RBBP7: variants seen among roughly 807,000 people sequenced by gnomAD.
RBBP7 encodes RB binding protein 7, chromatin remodeling factor.
Under a neutral mutation model 35.2 loss-of-function variants are expected in RBBP7, and 5 were observed. The ratio of observed to expected loss-of-function variants is 0.14; its 90% CI spans 0.07 to 0.30. RBBP7 has a LOEUF of 0.30. Ranked by LOEUF, RBBP7 falls within the 10% of genes least tolerant of loss-of-function variation. The probability of loss-of-function intolerance (pLI) is 1.00; values close to 1 mark genes in which losing one functional copy is unlikely to be tolerated. For missense variants in RBBP7, 155 were observed against 327.5 expected, an observed-to-expected ratio of 0.47 and a Z score of 4.07; for synonymous variants, 140 against 118.7, an observed-to-expected ratio of 1.18 and a Z score of -1.17.
At chrX:16,850,647 T>G (rs1014144146) in intron 9 of RBBP7, among the ~76,000 whole-genome samples, 2 of 112,791 alleles carry the variant, frequency 1.8e-5, no homozygotes, top group South Asian at 7.2e-4. Flanking sequence ...CTATTTTAAG[T>G]TTTACATACA....
chrX:16,849,120 G>A (rs988466149), intron 10 of RBBP7, 124 bp downstream of exon 10: 16 of 567,245 alleles, frequency 2.8e-5, no homozygotes, highest in Non-Finnish European at 4.3e-5. Flanking sequence ...TAACCTTCAG[G>A]GCCTCCATTT....
At chrX:16,848,985 T>G (rs1930151835) in intron 10 of RBBP7, 1 of 263,581 alleles carries the variant, frequency 3.8e-6, no homozygotes, top group Non-Finnish European at 6.6e-6. Flanking sequence ...AATACCAGAG[T>G]TGAAATCAGT....
At chrX:16,851,382 A>C (rs1184037954) in intron 9 of RBBP7, among the ~76,000 whole-genome samples, 2 of 112,302 alleles carry the variant, frequency 1.8e-5, no homozygotes, top group East Asian at 5.6e-4. Flanking sequence ...ATTTAAACTT[A>C]AGATGACATC....
At position 16,849,619 on chromosome X, in the gene RBBP7, G is replaced by A. The variant is rs185179415; in HGVS notation, c.1041-318C>T. 3.5e-3 allele frequency among the ~76,000 whole-genome samples: 392 copies of A among 111,667 alleles called. 1 individual carries two copies. Among genetic ancestry groups the A allele is most frequent in the Non-Finnish European group, 6.1e-3 (322 of 53,147 alleles). ...TACTGTTTATATTTGGTGTAAGGAC[G>A]GGATGTTTACTTTCTGGAAATAAGT... On this transcript the variant is annotated intron_variant, in intron 9 of 11. Coordinates refer to ENST00000380087, the MANE Select transcript of RBBP7 (RefSeq NM_002893.4).
chrX:16,863,157 C>T, intron 2 of RBBP7, 57 bp from the exon 3 acceptor site: 1 of 1,086,513 alleles, frequency 9.2e-7, no homozygotes, highest in Non-Finnish European at 1.3e-6. Flanking sequence ...CAATTGCTAA[C>T]AAATTCAGTC....
Position 16,860,674 on chromosome X carries a change from GAAAAAAAAAAGA to G in RBBP7, c.308-1837_308-1826del, listed in dbSNP as rs1229815573. On this transcript the variant is annotated intron_variant, in intron 3 of 11. Coordinates refer to ENST00000380087, the MANE Select transcript of RBBP7 (RefSeq NM_002893.4). ...GGGTGACAGAGCGAAACTTCGTCTC[GAAAAAAAAAAGA>G]AAAAAAAAAAGAAAAAAAAAATATA... Among the ~76,000 whole-genome samples, 73 of 53,745 alleles carry G rather than the reference GAAAAAAAAAAGA, an allele frequency of 1.4e-3. 1 individual carries two copies. Among genetic ancestry groups the G allele is most frequent in the East Asian group, 2.3e-3 (4 of 1,709 alleles). 46.7% of individuals were successfully genotyped at this position (53,745 alleles called of 115,157 possible).
rs759957631 is a variant in RBBP7 at position 16,860,411 on chromosome X, G to A, written c.308-1562C>T. Among the ~76,000 whole-genome samples, 7 of 111,483 alleles carry A rather than the reference G, an allele frequency of 6.3e-5. No individual in the cohort carries two copies. In the South Asian group the frequency reaches 2.6e-3, roughly 42 times the overall value. ...TAAAAAATGTAACTCAATATTGGCC[G>A]GGCGTGGTGGCTCATGCCTGTAATC... On this transcript the variant is annotated intron_variant, in intron 3 of 11. Transcript: ENST00000380087.
chrX:16,869,368 T>C, intron 1 of RBBP7, 148 bp from the exon 2 acceptor site: 1 of 1,055,335 alleles, frequency 9.5e-7, no homozygotes, highest in Non-Finnish European at 1.3e-6. Flanking sequence ...TTCCAGAAGG[T>C]GGAGAAAATA....
chrX:16,856,731 C>T (rs767438760), intron 5 of RBBP7, among the ~76,000 whole-genome samples: 1 of 111,655 alleles, frequency 9.0e-6, no homozygotes, highest in East Asian at 2.8e-4. Context: ...AATGGAAAGC[C>T]ACTTTGGAAA....
intron 10 of RBBP7, chrX:16,848,665 G>A (rs981024835): frequency 8.9e-6 from 1 of 111,777 alleles, no homozygotes; most frequent in African/African-American, 3.3e-5. Context: ...GCAAGGACAG[G>A]GAACCATTGC....
chrX:16,869,396 T>A, intron 1 of RBBP7, 176 bp from the exon 2 acceptor site: 2 of 1,072,471 alleles, frequency 1.9e-6, no homozygotes, highest in Middle Eastern at 5.1e-4. Flanking sequence ...TCAGGAAGCC[T>A]ATTTTTTCCA....
intron 9 of RBBP7, 68 bp downstream of exon 9, chrX:16,851,978 A>C: frequency 1.1e-6 from 1 of 950,385 alleles, no homozygotes; most frequent in Non-Finnish European, 1.5e-6. Flanking sequence ...TTTCTAGTTT[A>C]TGAATGACTA....
At chrX:16,860,067 A>G (rs1834548644) in intron 3 of RBBP7, among the ~76,000 whole-genome samples, 1 of 109,712 alleles carries the variant, frequency 9.1e-6, no homozygotes, top group Non-Finnish European at 1.9e-5. Context: ...CTTCTGTTCC[A>G]TGGTGTCAAT....
chrX:16,869,650 G>A (rs1264934440), intron 1 of RBBP7: 9 of 1,123,608 alleles, frequency 8.0e-6, no homozygotes, highest in Middle Eastern at 5.3e-4. Flanking sequence ...ATAGGCCTGA[G>A]GACCCCAGCA....
In RBBP7 at chrX:16,852,738, A is replaced by G; in HGVS notation, c.885+11T>C. 1 of 1,212,003 alleles carries G rather than the reference A, an allele frequency of 8.3e-7. No homozygotes were observed. The highest frequency in any genetic ancestry group is 1.1e-6 in the Non-Finnish European group (1 of 895,572). On this transcript the variant is annotated intron_variant, in intron 7 of 11. Transcript: ENST00000380087. Reference sequence around the variant, plus strand: ...TTTTATAAACACCAAATAATGCAAAAACTTCGAAACCTTATCCGCAGAGCC... The same window carrying G: ...TTTTATAAACACCAAATAATGCAAAGACTTCGAAACCTTATCCGCAGAGCC...
At chrX:16,870,005 C>A (rs1183757640) in intron 1 of RBBP7, 33 bp downstream of exon 1, 7 of 797,949 alleles carry the variant, frequency 8.8e-6, no homozygotes, top group Non-Finnish European at 9.0e-6. Context: ...CCCCCCGCGG[C>A]CCCGGCGCGC....
At chrX:16,850,305 G>A (rs1930182368) in intron 9 of RBBP7, among the ~76,000 whole-genome samples, 2 of 112,692 alleles carry the variant, frequency 1.8e-5, no homozygotes, top group Admixed American at 1.9e-4. Flanking sequence ...ACAAAGTACT[G>A]GGATTATAGA....
At position 16,845,080 on chromosome X, in the gene RBBP7, T is replaced by C; in HGVS notation, c.1233A>G (p.Glu411=). Residue 411 remains glutamate, a synonymous_variant, in exon 12 of 12, where the codon GAA becomes GAG. Coordinates refer to ENST00000380087, the MANE Select transcript of RBBP7 (RefSeq NM_002893.4). ...WQMAENIYND[E]ESDVTTSELE... is the part of the protein sequence containing the mutation. The stretch of plus-strand genomic sequence containing the variant: ...GTTCGGATGTCGTGACATCTGACTC[T>C]TCATCATTGTAAATATTTTCAGCCT... 1.7e-6 allele frequency: 2 copies of C among 1,209,189 alleles called. No individual in the cohort carries two copies. The highest frequency in any genetic ancestry group is 3.5e-5 in the South Asian group (2 of 56,704).
chrX:16,870,321 G>A lies in RBBP7; in HGVS notation c.-268C>T, dbSNP rs992713007. 9.5e-6 allele frequency: 2 copies of A among 210,006 alleles called. No homozygotes were observed. The highest frequency in any genetic ancestry group is 8.3e-5 in the Admixed American group (1 of 12,016). The allele number at this position is 210,006 out of a possible 1,213,427, so 17.3% of individuals were successfully genotyped here. A position where few individuals can be genotyped will look rare whatever the true frequency, so the allele number is the denominator to read the frequency against. ...CTTTTCAACCCGCGCCTCCCAGCCC[G>A]CCCAGGCAGCTGAGCGCAGGCGCAT... On this transcript the variant is annotated 5_prime_UTR_variant, in exon 1 of 12. Coordinates refer to ENST00000380087, the MANE Select transcript of RBBP7 (RefSeq NM_002893.4).
Sources: allele counts gnomAD v4.1 joint callset (sites outside exome capture counted in the v4.1 genomes callset), GRCh38; gene constraint gnomAD v4.1.1; transcripts MANE v1.5; gene names NCBI Gene and HGNC (gene_info 2026-07-23, HGNC 2026-07-21).